FAM168A: variants seen among roughly 807,000 people sequenced by gnomAD.
The protein encoded by FAM168A is protein FAM168A.
A neutral mutation model predicts 28.5 loss-of-function variants in FAM168A; 3 were observed. The observed-to-expected ratio is 0.11, with a 90% CI of 0.05 to 0.27. The LOEUF (loss-of-function observed/expected upper bound fraction) is 0.27, where lower values mean the gene tolerates loss of function less well. Ranked by LOEUF, FAM168A falls within the 10% of genes least tolerant of loss-of-function variation. The pLI, the probability that FAM168A is intolerant of heterozygous loss-of-function variation, is 1.00. For synonymous variants in FAM168A, 122 were observed against 124.2 expected, an observed-to-expected ratio of 0.98 and a Z score of 0.12; for missense variants, 222 against 311.5, an observed-to-expected ratio of 0.71 and a Z score of 2.16.
chr11:73,560,398 T>C (rs17132126), intron 1 of FAM168A, among the ~76,000 whole-genome samples: 12,804 of 152,164 alleles, frequency 0.084, 604 homozygotes, highest in Admixed American at 0.11. Context: ...TGTGTGAAGA[T>C]ACCTGTTGCT....
rs534480989 is a variant in FAM168A at position 73,460,071 on chromosome 11, G to A, written c.70+8334C>T. ...AATTTTTTGTATTTTTAGTAGAGAC[G>A]GGGTTTCACCGTGGTAACCAGGATG... On this transcript the variant is annotated intron_variant, in intron 2 of 7. Transcript: ENST00000356467. 1.9e-3 allele frequency among the ~76,000 whole-genome samples: 287 copies of A among 151,924 alleles called. 1 individual carries two copies. Among genetic ancestry groups the A allele is most frequent in the Non-Finnish European group, 3.5e-3 (237 of 67,948 alleles).
At chr11:73,438,524 G>A (rs1488544072) in intron 2 of FAM168A, among the ~76,000 whole-genome samples, 2 of 152,138 alleles carry the variant, frequency 1.3e-5, no homozygotes, top group African/African-American at 2.4e-5. Context: ...TACTGCGTGC[G>A]GGGAAAAGTG....
chr11:73,564,855 G>C (rs1248546354), intron 1 of FAM168A, among the ~76,000 whole-genome samples: 1 of 149,788 alleles, frequency 6.7e-6, no homozygotes, highest in East Asian at 1.9e-4. Flanking sequence ...CAACGTGTCA[G>C]AGTGTCCAGG....
intron 1 of FAM168A, among the ~76,000 whole-genome samples, chr11:73,577,327 T>C (rs1944189074): frequency 6.6e-6 from 1 of 152,230 alleles, no homozygotes; most frequent in African/African-American, 2.4e-5. Flanking sequence ...ACTTAACTAA[T>C]ATCTGAATTA....
chr11:73,545,140 C>CCAAGAGAGT (rs1943730774), intron 1 of FAM168A, among the ~76,000 whole-genome samples: 1 of 145,726 alleles, frequency 6.9e-6, no homozygotes. Flanking sequence ...ATTCTCTTGC[C>CCAAGAGAGT]TCAGCCTCCT....
chr11:73,431,320 C>T (rs374268557), intron 2 of FAM168A, among the ~76,000 whole-genome samples: 2 of 151,944 alleles, frequency 1.3e-5, no homozygotes, highest in Non-Finnish European at 2.9e-5. Context: ...CTAGCCTGGG[C>T]GACAGAGCAA....
intron 1 of FAM168A, among the ~76,000 whole-genome samples, chr11:73,574,718 AT>A (rs10568027): frequency 0.71 from 62,685 of 88,458 alleles, 23,143 homozygotes; most frequent in East Asian, 0.9. Flanking sequence ...TACACCTGGC[AT>A]TTTTTTTTTT....
At chr11:73,507,367 T>A (rs895227404) in intron 1 of FAM168A, among the ~76,000 whole-genome samples, 1 of 152,054 alleles carries the variant, frequency 6.6e-6, no homozygotes, top group Non-Finnish European at 1.5e-5. Context: ...AATAAGACAG[T>A]TAAAGATAAA....
intron 1 of FAM168A, among the ~76,000 whole-genome samples, chr11:73,486,855 T>C (rs1186602323): frequency 1.3e-5 from 2 of 152,246 alleles, no homozygotes; most frequent in East Asian, 3.8e-4. Flanking sequence ...CTCATCTGTT[T>C]TGGTATCCCT....
At chr11:73,430,809 A>G in intron 2 of FAM168A, 39 bp from the exon 3 acceptor site, 1 of 1,485,864 alleles carries the variant, frequency 6.7e-7, no homozygotes, top group Non-Finnish European at 9.1e-7. Flanking sequence ...AGTTAGGCAA[A>G]AAAAACAAAA....
At chr11:73,528,943 C>T (rs779986163) in intron 1 of FAM168A, among the ~76,000 whole-genome samples, 27 of 152,078 alleles carry the variant, frequency 1.8e-4, no homozygotes, top group South Asian at 1.2e-3. Context: ...AGAAAAGAGA[C>T]GCTTAATATT....
chr11:73,579,689 T>G (rs1253680384), intron 1 of FAM168A, among the ~76,000 whole-genome samples: 2 of 152,246 alleles, frequency 1.3e-5, no homozygotes, highest in African/African-American at 2.4e-5. Context: ...GTAAGCAATT[T>G]ATCCAGTTTA....
chr11:73,519,822 ATATATG>A (rs1943353925), intron 1 of FAM168A, among the ~76,000 whole-genome samples: 1 of 151,376 alleles, frequency 6.6e-6, no homozygotes, highest in East Asian at 1.9e-4. Flanking sequence ...GTATACATAT[ATATATG>A]TATATTTTTT....
intron 2 of FAM168A, among the ~76,000 whole-genome samples, chr11:73,431,120 G>A (rs1866984241): frequency 6.6e-6 from 1 of 152,100 alleles, no homozygotes; most frequent in Admixed American, 6.5e-5. Flanking sequence ...GAGGCGGGTG[G>A]ATCACGAGGT....
At chr11:73,429,520 A>G (rs1866946829) in intron 3 of FAM168A, among the ~76,000 whole-genome samples, 1 of 152,206 alleles carries the variant, frequency 6.6e-6, no homozygotes, top group African/African-American at 2.4e-5. Context: ...CTCACAGTTT[A>G]GCCACTCCCC....
At chr11:73,442,954 G>GGA (rs1555020501) in intron 2 of FAM168A, among the ~76,000 whole-genome samples, 5 of 12,670 alleles carry the variant, frequency 3.9e-4, no homozygotes, top group Admixed American at 1.4e-3. Context: ...TATATACAAA[G>GGA]GATATATATA....
intron 1 of FAM168A, among the ~76,000 whole-genome samples, chr11:73,540,306 A>AT (rs1483521375): frequency 6.6e-6 from 1 of 152,168 alleles, no homozygotes; most frequent in Non-Finnish European, 1.5e-5. Flanking sequence ...AGGTCTAGGG[A>AT]TTTTACATAC....
At chr11:73,549,974 T>C (rs1943806524) in intron 1 of FAM168A, among the ~76,000 whole-genome samples, 1 of 152,230 alleles carries the variant, frequency 6.6e-6, no homozygotes. Flanking sequence ...CTTTTCCAAA[T>C]ATTGGAACAA....
chr11:73,495,333 TTAAATAAA>T (rs556465950), intron 1 of FAM168A, among the ~76,000 whole-genome samples: 2 of 151,730 alleles, frequency 1.3e-5, no homozygotes, highest in African/African-American at 4.8e-5. Context: ...CGTCTCAAAA[TTAAATAAA>T]TAAATAAATA....
Sources: allele counts gnomAD v4.1 joint callset (sites outside exome capture counted in the v4.1 genomes callset), GRCh38; gene constraint gnomAD v4.1.1; transcripts MANE v1.5; gene names NCBI Gene and HGNC (gene_info 2026-07-23, HGNC 2026-07-21).